Variants in PLPPR1 observed in about 807,000 individuals in gnomAD.
The protein encoded by PLPPR1 is phospholipid phosphatase related 1.
Under a neutral mutation model 33.1 loss-of-function variants are expected in PLPPR1, and 10 were observed. The ratio of observed to expected loss-of-function variants is 0.30; its 90% CI spans 0.19 to 0.51. PLPPR1 has a LOEUF of 0.51. Among genes scored for constraint, PLPPR1 ranks in the 20% least tolerant of loss-of-function variants. PLPPR1 has a pLI of 0.97. For missense variants in PLPPR1, 304 were observed against 408.1 expected, an observed-to-expected ratio of 0.74 and a Z score of 2.20; for synonymous variants, 151 against 151.0, an observed-to-expected ratio of 1.00 and a Z score of 0.00.
intron 2 of PLPPR1, among the ~76,000 whole-genome samples, chr9:101,245,714 C>A (rs1363122668): frequency 1.3e-5 from 2 of 151,798 alleles, no homozygotes; most frequent in African/African-American, 4.8e-5. Context: ...AGTTACTTGT[C>A]TGATCTTTGG....
intron 2 of PLPPR1, among the ~76,000 whole-genome samples, chr9:101,186,761 A>G (rs1353890416): frequency 6.6e-6 from 1 of 151,898 alleles, no homozygotes; most frequent in Non-Finnish European, 1.5e-5. Flanking sequence ...GTACTTTTAG[A>G]TGAACAAATA....
chr9:101,220,918 A>G (rs1258610353), intron 2 of PLPPR1, among the ~76,000 whole-genome samples: 1 of 152,202 alleles, frequency 6.6e-6, no homozygotes, highest in Non-Finnish European at 1.5e-5. Context: ...GGTTTTTCAA[A>G]GTATGTTAGA....
chr9:101,152,132 AT>A (rs1302524594), intron 1 of PLPPR1, among the ~76,000 whole-genome samples: 2 of 152,150 alleles, frequency 1.3e-5, no homozygotes, highest in Admixed American at 6.5e-5. Context: ...TTTGATTTGC[AT>A]TTCTCTGATG....
At chr9:101,171,429 T>C (rs531764662) in intron 1 of PLPPR1, among the ~76,000 whole-genome samples, 1 of 152,248 alleles carries the variant, frequency 6.6e-6, no homozygotes, top group East Asian at 1.9e-4. Flanking sequence ...TTTCCCTGGA[T>C]TGTAGGTCTT....
chr9:101,321,058 C>A (rs1157921112), intron 7 of PLPPR1, among the ~76,000 whole-genome samples: 1 of 152,202 alleles, frequency 6.6e-6, no homozygotes, highest in East Asian at 1.9e-4. Context: ...TGAGCAAGAA[C>A]TTCCCTTGCA....
chr9:101,058,809 C>A (rs1022810820), intron 1 of PLPPR1, among the ~76,000 whole-genome samples: 1 of 152,048 alleles, frequency 6.6e-6, no homozygotes. Context: ...TTATACTAAG[C>A]AAGTTATGTG....
At chr9:101,189,251 G>T (rs1034524409) in intron 2 of PLPPR1, among the ~76,000 whole-genome samples, 2 of 152,054 alleles carry the variant, frequency 1.3e-5, no homozygotes, top group African/African-American at 4.8e-5. Flanking sequence ...GAGCTTTCAG[G>T]TTATAGGTAG....
chr9:101,160,340 T>G (rs1294799831), intron 1 of PLPPR1, among the ~76,000 whole-genome samples: 1 of 152,208 alleles, frequency 6.6e-6, no homozygotes, highest in Non-Finnish European at 1.5e-5. Context: ...CTTCTAAGGG[T>G]TGTTGTGGAG....
At chr9:101,323,447 G>A (rs1488655341) in intron 7 of PLPPR1, among the ~76,000 whole-genome samples, 1 of 148,220 alleles carries the variant, frequency 6.7e-6, no homozygotes, top group Non-Finnish European at 1.5e-5. Context: ...CTCCAGCCTG[G>A]GTGACAGAGT....
chr9:101,191,880 TG>T (rs1390646585), intron 2 of PLPPR1, among the ~76,000 whole-genome samples: 1 of 152,194 alleles, frequency 6.6e-6, no homozygotes, highest in East Asian at 1.9e-4. Context: ...TGAATGAAGT[TG>T]TTGTTTGATG....
At chr9:101,227,251 A>T (rs1827090063) in intron 2 of PLPPR1, among the ~76,000 whole-genome samples, 1 of 151,576 alleles carries the variant, frequency 6.6e-6, no homozygotes, top group Non-Finnish European at 1.5e-5. Context: ...CCATACATAC[A>T]TTCACTTTAA....
intron 2 of PLPPR1, among the ~76,000 whole-genome samples, chr9:101,213,568 C>G (rs1225109261): frequency 6.6e-6 from 1 of 152,068 alleles, no homozygotes; most frequent in Non-Finnish European, 1.5e-5. Context: ...CTTTCATGTC[C>G]ATTATCTGGA....
At chr9:101,064,521 C>G (rs1830386214) in intron 1 of PLPPR1, among the ~76,000 whole-genome samples, 1 of 151,974 alleles carries the variant, frequency 6.6e-6, no homozygotes, top group South Asian at 2.1e-4. Context: ...GTGAGCCAGT[C>G]AGAAGCACAT....
chr9:101,252,903 A>AT (rs1827737245), intron 2 of PLPPR1, among the ~76,000 whole-genome samples: 1 of 152,056 alleles, frequency 6.6e-6, no homozygotes, highest in South Asian at 2.1e-4. Context: ...TCATAAAATC[A>AT]TTTTTCATTC....
At chr9:101,295,431 C>A (rs1828606111) in intron 4 of PLPPR1, among the ~76,000 whole-genome samples, 1 of 152,058 alleles carries the variant, frequency 6.6e-6, no homozygotes, top group Non-Finnish European at 1.5e-5. Flanking sequence ...TGACTTTCTT[C>A]ACAGAATTGG....
intron 1 of PLPPR1, among the ~76,000 whole-genome samples, chr9:101,044,657 C>T (rs1830123636): frequency 1.3e-5 from 2 of 152,164 alleles, no homozygotes; most frequent in Admixed American, 1.3e-4. Context: ...TGAAGTAACT[C>T]TTCCAGCAAT....
At position 101,238,073 on chromosome 9, in the gene PLPPR1, T is replaced by C. The variant is rs1309435735; in HGVS notation, c.64-31807T>C. Among the ~76,000 whole-genome samples the C allele has an allele frequency of 2.2e-5, 3 of 138,666 alleles. No homozygotes were observed. In the Admixed American group the frequency reaches 2.2e-4, roughly 10 times the overall value. 91.0% of individuals were successfully genotyped at this position (138,666 alleles called of 152,430 possible). A position where few individuals can be genotyped will look rare whatever the true frequency, so the allele number is the denominator to read the frequency against. Reference sequence around the variant, plus strand: ...TATATAGCCTATATATACGTGTGTGTGTATATATATACATATACATACATA... The same window carrying C: ...TATATAGCCTATATATACGTGTGTGCGTATATATATACATATACATACATA... On this transcript the variant is annotated intron_variant, in intron 2 of 7. Coordinates refer to ENST00000374874, the MANE Select transcript of PLPPR1 (RefSeq NM_207299.2).
chr9:101,153,624 G>A (rs1033308523), intron 1 of PLPPR1, among the ~76,000 whole-genome samples: 10 of 152,096 alleles, frequency 6.6e-5, no homozygotes, highest in African/African-American at 2.4e-4. Context: ...TCCCATGCTG[G>A]AGCGCAGTGG....
At chr9:101,256,466 T>G (rs1827804219) in intron 2 of PLPPR1, among the ~76,000 whole-genome samples, 1 of 152,084 alleles carries the variant, frequency 6.6e-6, no homozygotes, top group Non-Finnish European at 1.5e-5. Flanking sequence ...CCAAGCCATA[T>G]TTTTCGAGGG....
Sources: allele counts gnomAD v4.1 joint callset (sites outside exome capture counted in the v4.1 genomes callset), GRCh38; gene constraint gnomAD v4.1.1; transcripts MANE v1.5; gene names NCBI Gene and HGNC (gene_info 2026-07-23, HGNC 2026-07-21).